The following SAMD12 variants were observed in gnomAD, a reference collection of about 807,000 sequenced individuals.
SAMD12 encodes sterile alpha motif domain containing 12.
A neutral mutation model predicts 15.0 loss-of-function variants in SAMD12; 9 were observed. The ratio of observed to expected loss-of-function variants is 0.60; its 90% confidence interval spans 0.36 to 1.05. The LOEUF (loss-of-function observed/expected upper bound fraction) is 1.05, where lower values mean the gene tolerates loss of function less well. Ranked by LOEUF, SAMD12 falls within the 50% of genes least tolerant of loss-of-function variation. The pLI is 0.01. For missense variants in SAMD12, 230 were observed against 234.2 expected (o/e 0.98, Z 0.12); for synonymous variants, 86 against 90.1 (o/e 0.96, Z 0.25).
At chr8:118,304,803 A>G (rs1290338251) in intron 4 of SAMD12, among the ~76,000 whole-genome samples, 3 of 141,858 alleles carry the variant, frequency 2.1e-5, no homozygotes, top group Non-Finnish European at 4.7e-5. Flanking sequence ...TAAATACACA[A>G]ATAAATATAA....
chr8:118,419,443 A>G (rs955637360), intron 3 of SAMD12, among the ~76,000 whole-genome samples: 3 of 152,216 alleles, frequency 2.0e-5, no homozygotes, highest in Admixed American at 1.3e-4. Flanking sequence ...TTTCTTGTGG[A>G]TAACAAAACC....
chr8:118,434,396 C>A (rs1038236991), intron 3 of SAMD12, among the ~76,000 whole-genome samples: 1 of 152,146 alleles, frequency 6.6e-6, no homozygotes, highest in African/African-American at 2.4e-5. Flanking sequence ...ACCAAGGAAA[C>A]CCTTTATACA....
downstream of SAMD12, among the ~76,000 whole-genome samples, chr8:118,376,233 G>A (rs765478829): frequency 7.9e-5 from 12 of 152,212 alleles, no homozygotes; most frequent in South Asian, 2.1e-4. Flanking sequence ...CTTAAAATGC[G>A]TTGGTTAGTA....
chr8:118,520,807 G>T (rs747496128), intron 2 of SAMD12, among the ~76,000 whole-genome samples: 1 of 152,096 alleles, frequency 6.6e-6, no homozygotes, highest in South Asian at 2.1e-4. Context: ...ATTTAGAAAG[G>T]AGAAGAGTAA....
chr8:118,399,657 G>T (rs1238882170), intron 3 of SAMD12, among the ~76,000 whole-genome samples: 1 of 152,116 alleles, frequency 6.6e-6, no homozygotes, highest in African/African-American at 2.4e-5. Context: ...AACTTCTTCT[G>T]CCCAATCCTG....
chr8:118,426,494 C>T (rs1822238910), intron 3 of SAMD12, among the ~76,000 whole-genome samples: 1 of 152,178 alleles, frequency 6.6e-6, no homozygotes, highest in Non-Finnish European at 1.5e-5. Flanking sequence ...GCATCCTGCA[C>T]ATAGAAAGCC....
chr8:118,250,251 C>A (rs1338470478), intron 4 of SAMD12, among the ~76,000 whole-genome samples: 1 of 152,094 alleles, frequency 6.6e-6, no homozygotes, highest in Non-Finnish European at 1.5e-5. Flanking sequence ...AATCCTGGCT[C>A]ATCAAATACC....
At chr8:118,241,749 C>G (rs898547250) in intron 4 of SAMD12, among the ~76,000 whole-genome samples, 2 of 152,074 alleles carry the variant, frequency 1.3e-5, no homozygotes, top group African/African-American at 4.8e-5. Flanking sequence ...TCATAAAAAT[C>G]AAATGGTATG....
rs574965364 is a variant in SAMD12 at position 118,228,281 on chromosome 8, T to G, written c.434-30549A>C. Among the ~76,000 whole-genome samples, 11 of 152,272 alleles carry G rather than the reference T, an allele frequency of 7.2e-5. No individual in the cohort carries two copies. In the South Asian group the frequency reaches 2.3e-3, roughly 32 times the overall value. On this transcript the variant is annotated intron_variant, in intron 4 of 4. Coordinates refer to the SAMD12 transcript ENST00000409003. ...TGCAATGAAAACAAAGATAAATAGCTGGGACCTAGTTAAACTAAAGAGCTT... is the reference window on the plus strand; with the variant it reads ...TGCAATGAAAACAAAGATAAATAGCGGGGACCTAGTTAAACTAAAGAGCTT...
intron 2 of SAMD12, among the ~76,000 whole-genome samples, chr8:118,544,458 G>A (rs989429752): frequency 1.3e-5 from 2 of 152,076 alleles, no homozygotes. Context: ...TCAGAAACAG[G>A]CCAATCAAAA....
At chr8:118,181,090 T>C in the SAMD12 span, among the ~76,000 whole-genome samples, 84 of 152,318 alleles carry the variant, frequency 5.5e-4, no homozygotes, top group Non-Finnish European at 9.4e-4. Context: ...TCTTGCTATG[T>C]TGCCCAGGCT....
the SAMD12 span, among the ~76,000 whole-genome samples, chr8:118,134,109 A>G: frequency 6.6e-6 from 1 of 152,206 alleles, no homozygotes; most frequent in East Asian, 1.9e-4. Flanking sequence ...ATGCTTGCCT[A>G]CTTTTGGTGG....
At chr8:118,375,809 C>G (rs1819358700), downstream of SAMD12, 1 of 152,190 alleles carries the variant, frequency 6.6e-6, no homozygotes, top group South Asian at 2.1e-4. Flanking sequence ...TATTCCCTGT[C>G]CCACAGGTGC....
chr8:118,396,073 C>G lies in SAMD12; in HGVS notation c.323-16373G>C, dbSNP rs143549811. 5.3e-5 allele frequency among the ~76,000 whole-genome samples: 8 copies of G among 152,214 alleles called. 1 individual carries two copies. The highest frequency in any genetic ancestry group is 1.9e-4 in the African/African-American group (8 of 41,524). Reference sequence around the variant, plus strand: ...AGTTCAGTGTCCATTCATTCTTCTTCCAGCAATAAGGTGTTCAATAACTTA... The same window carrying G: ...AGTTCAGTGTCCATTCATTCTTCTTGCAGCAATAAGGTGTTCAATAACTTA... On this transcript the variant is annotated intron_variant, in intron 3 of 3. Coordinates refer to ENST00000314727, the MANE Select transcript of SAMD12 (RefSeq NM_207506.3).
chr8:118,278,607 T>C (rs1459356104), intron 4 of SAMD12, among the ~76,000 whole-genome samples: 1 of 152,186 alleles, frequency 6.6e-6, no homozygotes, highest in Non-Finnish European at 1.5e-5. Context: ...TTTGCTGCTG[T>C]TAAGTGCTCA....
chr8:118,350,995 A>C (rs1170653758), intron 4 of SAMD12, among the ~76,000 whole-genome samples: 1 of 152,200 alleles, frequency 6.6e-6, no homozygotes, highest in African/African-American at 2.4e-5. Flanking sequence ...CATCTCCCTG[A>C]AATATCTCTA....
intron 4 of SAMD12, among the ~76,000 whole-genome samples, chr8:118,222,608 C>A (rs1401815660): frequency 6.6e-6 from 1 of 152,082 alleles, no homozygotes; most frequent in East Asian, 1.9e-4. Flanking sequence ...GGGGTTCAAG[C>A]GATTCTGCTG....
At chr8:118,407,346 T>C (rs758082701) in intron 3 of SAMD12, among the ~76,000 whole-genome samples, 3 of 152,178 alleles carry the variant, frequency 2.0e-5, no homozygotes, top group Non-Finnish European at 2.9e-5. Context: ...TGTTTTTCAA[T>C]AGTCGCCATC....
At chr8:118,537,714 C>A (rs910731958) in intron 2 of SAMD12, among the ~76,000 whole-genome samples, 1 of 152,120 alleles carries the variant, frequency 6.6e-6, no homozygotes, top group South Asian at 2.1e-4. Context: ...GCTGAGTTTC[C>A]TCAACACAGC....
Sources: gnomAD v4.1 joint callset for allele counts (sites outside exome capture counted in the v4.1 genomes callset) on GRCh38, gnomAD v4.1.1 for gene constraint, MANE v1.5 for transcripts, NCBI Gene and HGNC (gene_info 2026-07-23, HGNC 2026-07-21) for gene names.